The following SLC9C1 variants were observed in gnomAD, a reference collection of about 807,000 sequenced individuals.
The protein encoded by SLC9C1 is solute carrier family 9 member C1.
Under a neutral mutation model 140.9 loss-of-function variants are expected in SLC9C1, and 97 were observed. The observed-to-expected ratio is 0.69, with a 90% CI of 0.58 to 0.82. SLC9C1 has a LOEUF of 0.82. Ranked by LOEUF, SLC9C1 falls within the 40% of genes least tolerant of loss-of-function variation. The pLI is 0.00. For synonymous variants in SLC9C1, 440 were observed against 442.6 expected (o/e 0.99, Z 0.07); for missense variants, 1,340 against 1,389.3 (o/e 0.96, Z 0.56).
At chr3:112,176,477 C>T (rs1490007510) in intron 23 of SLC9C1, among the ~76,000 whole-genome samples, 2 of 152,196 alleles carry the variant, frequency 1.3e-5, no homozygotes, top group African/African-American at 4.8e-5. Context: ...TTTTTAACAA[C>T]TGGTTTAAAG....
chr3:112,202,917 T>C (rs2077943685), intron 17 of SLC9C1, among the ~76,000 whole-genome samples: 1 of 151,986 alleles, frequency 6.6e-6, no homozygotes, highest in South Asian at 2.1e-4. Flanking sequence ...TGCAGTCCCC[T>C]AGCTTCTGCA....
intron 10 of SLC9C1, among the ~76,000 whole-genome samples, chr3:112,260,958 C>G (rs2079755441): frequency 6.6e-6 from 1 of 152,012 alleles, no homozygotes; most frequent in Non-Finnish European, 1.5e-5. Flanking sequence ...TGATACCCTG[C>G]CTCCCCAAAT....
chr3:112,237,793 G>C (rs2079031643), intron 12 of SLC9C1, among the ~76,000 whole-genome samples: 1 of 152,192 alleles, frequency 6.6e-6, no homozygotes, highest in Middle Eastern at 3.2e-3. Flanking sequence ...CCCCCACTCT[G>C]TTCTGGCTTG....
At chr3:112,186,019 T>C (rs2077532874) in intron 20 of SLC9C1, 1 of 1,467,180 alleles carries the variant, frequency 6.8e-7, no homozygotes, top group East Asian at 2.4e-5. Flanking sequence ...CCTTTTCTTA[T>C]GTGTATTAGC....
intron 23 of SLC9C1, among the ~76,000 whole-genome samples, chr3:112,173,490 T>C (rs2077282700): frequency 6.6e-6 from 1 of 152,230 alleles, no homozygotes; most frequent in Non-Finnish European, 1.5e-5. Flanking sequence ...TGTCCATATG[T>C]ACTTGATGTT....
intron 26 of SLC9C1, among the ~76,000 whole-genome samples, chr3:112,166,493 A>G (rs1207362557): frequency 6.6e-6 from 1 of 152,216 alleles, no homozygotes; most frequent in Non-Finnish European, 1.5e-5. Flanking sequence ...ACCTCTTCAC[A>G]GGGCAGCAGG....
chr3:112,182,360 C>G, intron 20 of SLC9C1, 102 bp from the exon 21 acceptor site: 1 of 1,224,074 alleles, frequency 8.2e-7, no homozygotes. Flanking sequence ...GATCATTTGA[C>G]ATTTTTCTTC....
intron 5 of SLC9C1, among the ~76,000 whole-genome samples, chr3:112,277,329 C>T (rs1275165495): frequency 2.0e-5 from 3 of 152,074 alleles, no homozygotes; most frequent in African/African-American, 7.2e-5. Context: ...CCTAATGATT[C>T]TTTACAAAGG....
At chr3:112,247,964 T>C (rs2079339691) in intron 10 of SLC9C1, among the ~76,000 whole-genome samples, 1 of 152,002 alleles carries the variant, frequency 6.6e-6, no homozygotes, top group Admixed American at 6.6e-5. Flanking sequence ...CTAGACGTAT[T>C]GACTCACTTC....
At position 112,145,589 on chromosome 3, in the gene SLC9C1, C is replaced by CTTTTTTTT. The variant is rs61547345; in HGVS notation, c.3525-4316_3525-4309dup. On this transcript the variant is annotated intron_variant, in intron 28 of 28. Coordinates refer to ENST00000305815, the MANE Select transcript of SLC9C1 (RefSeq NM_183061.3). ...TGGCTGTGAATCCACCTGCCCTTGG[C>CTTTTTTTT]TTTTTTTTTTTTTTTTTTTTTTGGT... 3.2e-4 allele frequency among the ~76,000 whole-genome samples: 9 copies of CTTTTTTTT among 28,228 alleles called. 1 individual carries two copies. The highest frequency in any genetic ancestry group is 5.1e-4 in the Admixed American group (1 of 1,976). The allele number at this position is 28,228 out of a possible 152,430, so 18.5% of individuals were successfully genotyped here. A position where few individuals can be genotyped will look rare whatever the true frequency, so the allele number is the denominator to read the frequency against.
chr3:112,141,755 CAATAG>C, intron 28 of SLC9C1, among the ~76,000 whole-genome samples: 1 of 152,186 alleles, frequency 6.6e-6, no homozygotes. Context: ...ATTATAAAAT[CAATAG>C]AACTGCATAA....
chr3:112,198,815 T>C (rs1331462006), intron 20 of SLC9C1, among the ~76,000 whole-genome samples: 1 of 151,960 alleles, frequency 6.6e-6, no homozygotes, highest in Non-Finnish European at 1.5e-5. Flanking sequence ...AACAGGTTTA[T>C]GCTTTTTTTT....
intron 10 of SLC9C1, among the ~76,000 whole-genome samples, chr3:112,259,302 G>A (rs1011201961): frequency 1.1e-4 from 16 of 151,956 alleles, no homozygotes; most frequent in East Asian, 1.9e-4. Context: ...CTTGAAGGTG[G>A]AGGATAGGAG....
intron 10 of SLC9C1, among the ~76,000 whole-genome samples, chr3:112,249,712 T>C (rs2079394858): frequency 6.6e-6 from 1 of 152,178 alleles, no homozygotes; most frequent in South Asian, 2.1e-4. Flanking sequence ...TTGTAGGTTT[T>C]CTAGTTTGTG....
At chr3:112,190,309 G>T (rs920291726) in intron 20 of SLC9C1, among the ~76,000 whole-genome samples, 1 of 152,108 alleles carries the variant, frequency 6.6e-6, no homozygotes, top group Admixed American at 6.6e-5. Flanking sequence ...CCTGTCTTGT[G>T]GCAGTTTTCA....
chr3:112,277,678 G>T lies in SLC9C1; in HGVS notation c.484+17C>A. 6.7e-7 allele frequency: 1 copy of T among 1,499,322 alleles called. No homozygotes were observed. The highest frequency in any genetic ancestry group is 8.9e-7 in the Non-Finnish European group (1 of 1,125,386). The allele number at this position is 1,499,322 out of a possible 1,614,324, so 92.9% of individuals were successfully genotyped here. On this transcript the variant is annotated intron_variant, in intron 5 of 28. Transcript: ENST00000305815. The stretch of plus-strand genomic sequence containing the variant: ...ATATGATATTATAAATATAGAAAAA[G>T]AGAACAATATACCTACCAAGGTCTC...
chr3:112,259,873 T>C (rs2079722762), intron 10 of SLC9C1, among the ~76,000 whole-genome samples: 2 of 152,208 alleles, frequency 1.3e-5, no homozygotes, highest in Admixed American at 6.5e-5. Flanking sequence ...CTACAGACTT[T>C]TTACAGATGT....
chr3:112,239,805 G>C, intron 12 of SLC9C1, 35 bp downstream of exon 12: 2 of 1,550,160 alleles, frequency 1.3e-6, no homozygotes, highest in Non-Finnish European at 1.8e-6. Context: ...AATCAAATCT[G>C]CATTAAAGCA....
At chr3:112,253,834 A>G (rs2079532344) in intron 10 of SLC9C1, among the ~76,000 whole-genome samples, 1 of 152,228 alleles carries the variant, frequency 6.6e-6, no homozygotes, top group South Asian at 2.1e-4. Context: ...AATATCATCA[A>G]GATTCAGAAG....
Sources: gnomAD v4.1 joint callset for allele counts (sites outside exome capture counted in the v4.1 genomes callset) on GRCh38, gnomAD v4.1.1 for gene constraint, MANE v1.5 for transcripts, NCBI Gene and HGNC (gene_info 2026-07-23, HGNC 2026-07-21) for gene names.